The following ATL2 variants were observed in gnomAD, a reference collection of about 807,000 sequenced individuals.
ATL2 encodes the protein atlastin-2.
ATL2 carries 31 observed loss-of-function variants against 73.9 expected under a neutral mutation model. That is an observed-to-expected ratio of 0.42 (90% CI 0.32 to 0.57). The LOEUF is 0.57. Among genes scored for constraint, ATL2 ranks in the 20% least tolerant of loss-of-function variants. The pLI, the probability that ATL2 is intolerant of heterozygous loss-of-function variation, is 0.14. For synonymous variants in ATL2, 291 were observed against 237.5 expected, an observed-to-expected ratio of 1.23 and a Z score of -2.07; for missense variants, 738 against 702.6, an observed-to-expected ratio of 1.05 and a Z score of -0.57.
chr2:38,325,995 C>A (rs964614838), intron 2 of ATL2, among the ~76,000 whole-genome samples: 1 of 151,678 alleles, frequency 6.6e-6, no homozygotes, highest in Admixed American at 6.6e-5. Context: ...GTGGTGTCTG[C>A]CTGTAATCTC....
intron 2 of ATL2, among the ~76,000 whole-genome samples, chr2:38,330,805 T>G (rs368568205): frequency 6.6e-6 from 1 of 152,242 alleles, no homozygotes; most frequent in Non-Finnish European, 1.5e-5. Flanking sequence ...ATTTCCCAAA[T>G]TGATCTTTCA....
chr2:38,347,871 A>T (rs985825785), intron 1 of ATL2, among the ~76,000 whole-genome samples: 2 of 148,730 alleles, frequency 1.3e-5, no homozygotes, highest in Non-Finnish European at 3.0e-5. Context: ...GGTTCAAGCC[A>T]TTCTCCTGTC....
At chr2:38,353,776 A>G (rs1670494115) in intron 1 of ATL2, among the ~76,000 whole-genome samples, 1 of 152,260 alleles carries the variant, frequency 6.6e-6, no homozygotes, top group African/African-American at 2.4e-5. Flanking sequence ...TCATCACTGA[A>G]GCACTGGAGG....
At position 38,343,271 on chromosome 2, in the gene ATL2, G is replaced by C. The variant is rs1669832655; in HGVS notation, c.360C>G (p.Asn120Lys). Residue 120 changes from asparagine to lysine, a missense_variant, in exon 2 of 13, where the codon AAC (asparagine) becomes AAG (lysine). Transcript: ENST00000378954. ...LLDFMLRYMY[N>K]KDSQSWIGGN... The stretch of plus-strand genomic sequence containing the variant: ...TTCAATTTAAAAGACTATTCACCTT[G>C]TTATACATGTATCTAAGCATGAAGT... The C allele has an allele frequency of 6.3e-7, 1 of 1,577,260 alleles. No individual in the cohort carries two copies. Among genetic ancestry groups the C allele is most frequent in the Non-Finnish European group, 8.6e-7 (1 of 1,163,800 alleles).
intron 2 of ATL2, among the ~76,000 whole-genome samples, chr2:38,330,740 G>A (rs1384464929): frequency 6.6e-6 from 1 of 152,124 alleles, no homozygotes; most frequent in Admixed American, 6.6e-5. Flanking sequence ...CTAAATAAAT[G>A]GAAAAATATC....
chr2:38,311,491 T>C (rs184091808), intron 7 of ATL2, among the ~76,000 whole-genome samples: 1 of 152,318 alleles, frequency 6.6e-6, no homozygotes, highest in Admixed American at 6.5e-5. Context: ...GGAAAAACTG[T>C]TGTCTATTCA....
intron 1 of ATL2, among the ~76,000 whole-genome samples, chr2:38,365,244 G>A (rs1425034549): frequency 1.3e-5 from 2 of 151,278 alleles, no homozygotes; most frequent in African/African-American, 2.4e-5. Context: ...CACTTAGATC[G>A]AATAGGGCTA....
chr2:38,329,423 CAAAAAAAAAAAAAAA>C (rs70954711), intron 2 of ATL2, among the ~76,000 whole-genome samples: 7 of 13,674 alleles, frequency 5.1e-4, no homozygotes, highest in East Asian at 2.2e-3. Context: ...ACTCCATCTC[CAAAAAAAAAAAAAAA>C]AAAAAAAAAA....
intron 4 of ATL2, 122 bp from the exon 5 acceptor site, chr2:38,315,456 T>C (rs1472916075): frequency 4.1e-6 from 4 of 987,532 alleles, no homozygotes; most frequent in Non-Finnish European, 5.7e-6. Context: ...ATCATTTAAC[T>C]ACTATCTTGA....
intron 2 of ATL2, among the ~76,000 whole-genome samples, chr2:38,323,669 C>T (rs992595004): frequency 3.9e-5 from 6 of 152,116 alleles, no homozygotes; most frequent in African/African-American, 1.4e-4. Flanking sequence ...CAAAGTGAAA[C>T]AACTATGTAA....
chr2:38,316,981 C>G (rs1380435224), intron 4 of ATL2, among the ~76,000 whole-genome samples: 1 of 152,038 alleles, frequency 6.6e-6, no homozygotes, highest in Non-Finnish European at 1.5e-5. Context: ...TGGGTAATGA[C>G]AAATATCCCA....
At chr2:38,349,575 T>C (rs1670224157) in intron 1 of ATL2, among the ~76,000 whole-genome samples, 1 of 148,730 alleles carries the variant, frequency 6.7e-6, no homozygotes, top group African/African-American at 2.5e-5. Flanking sequence ...TAATGCTAAA[T>C]GACAAGTTAA....
At chr2:38,352,826 A>T (rs916993138) in intron 1 of ATL2, among the ~76,000 whole-genome samples, 2 of 152,208 alleles carry the variant, frequency 1.3e-5, no homozygotes, top group African/African-American at 4.8e-5. Flanking sequence ...AGCCTAAATA[A>T]AACCAAGACT....
At chr2:38,327,524 TAAAAAAAAAAAAGTACAAA>T (rs1668732007) in intron 2 of ATL2, among the ~76,000 whole-genome samples, 1 of 24,044 alleles carries the variant, frequency 4.2e-5, no homozygotes, top group South Asian at 1.0e-3. Flanking sequence ...GAGGGGAATA[TAAAAAAAAAAAAGTACAAA>T]AAAAAAAAAA....
intron 1 of ATL2, among the ~76,000 whole-genome samples, chr2:38,362,113 T>C (rs1322606082): frequency 6.6e-6 from 1 of 152,184 alleles, no homozygotes; most frequent in Non-Finnish European, 1.5e-5. Context: ...AATCGACTCT[T>C]ATGAGTAAAA....
chr2:38,315,226 G>T, intron 5 of ATL2, 58 bp downstream of exon 5: 2 of 1,386,606 alleles, frequency 1.4e-6, no homozygotes, highest in Admixed American at 3.6e-5. Context: ...ACTCTAGTCT[G>T]GGGAACAAGA....
At chr2:38,330,869 G>C (rs1184183487) in intron 2 of ATL2, among the ~76,000 whole-genome samples, 1 of 152,150 alleles carries the variant, frequency 6.6e-6, no homozygotes, top group Non-Finnish European at 1.5e-5. Flanking sequence ...AAACTGAGAA[G>C]CTAATTCTAA....
At chr2:38,360,924 T>C (rs1670978854) in intron 1 of ATL2, among the ~76,000 whole-genome samples, 1 of 144,462 alleles carries the variant, frequency 6.9e-6, no homozygotes, top group African/African-American at 2.9e-5. Context: ...GTATTGTTGG[T>C]AACTACAAAA....
At chr2:38,356,686 T>C (rs1046610284) in intron 1 of ATL2, among the ~76,000 whole-genome samples, 7 of 152,202 alleles carry the variant, frequency 4.6e-5, no homozygotes, top group African/African-American at 1.7e-4. Context: ...ATATTAATCA[T>C]TTTCCACTCA....
Sources: gnomAD v4.1 joint callset for allele counts (sites outside exome capture counted in the v4.1 genomes callset) on GRCh38, gnomAD v4.1.1 for gene constraint, MANE v1.5 for transcripts, NCBI Gene and HGNC (gene_info 2026-07-23, HGNC 2026-07-21) for gene names.